The following TENM3 variants were observed in gnomAD, a reference collection of about 807,000 sequenced individuals.
TENM3 encodes teneurin-3.
Under a neutral mutation model 255.1 loss-of-function variants are expected in TENM3, and 63 were observed. That is an observed-to-expected ratio of 0.25 (90% CI 0.20 to 0.30). The LOEUF (loss-of-function observed/expected upper bound fraction) is 0.30. Among genes scored for constraint, TENM3 ranks in the 10% least tolerant of loss-of-function variants. The pLI, the probability that TENM3 is intolerant of heterozygous loss-of-function variation, is 1.00. For missense variants in TENM3, 2,929 were observed against 3,461.1 expected, an observed-to-expected ratio of 0.85 and a Z score of 3.86; for synonymous variants, 1,306 against 1,322.3, an observed-to-expected ratio of 0.99 and a Z score of 0.27.
intron 3 of TENM3, among the ~76,000 whole-genome samples, chr4:182,494,811 T>C (rs1169145800): frequency 6.6e-6 from 1 of 152,230 alleles, no homozygotes; most frequent in Non-Finnish European, 1.5e-5. Context: ...TTTCATAGTT[T>C]GGCAATGTTT....
the TENM3 span, among the ~76,000 whole-genome samples, chr4:181,828,866 A>G: frequency 0.12 from 17,724 of 152,180 alleles, 1,308 homozygotes; most frequent in Non-Finnish European, 0.16. Flanking sequence ...CTGGGATTAC[A>G]GGAGTGAGCC....
chr4:181,663,414 G>T, the TENM3 span, among the ~76,000 whole-genome samples: 2 of 151,952 alleles, frequency 1.3e-5, no homozygotes, highest in Non-Finnish European at 2.9e-5. Flanking sequence ...CTAATGTTAC[G>T]GTTTTTAAAA....
At chr4:181,690,522 G>A in the TENM3 span, among the ~76,000 whole-genome samples, 9 of 151,956 alleles carry the variant, frequency 5.9e-5, no homozygotes, top group Non-Finnish European at 1.3e-4. Context: ...TCTTTTCTGA[G>A]CACTTTAAAA....
the TENM3 span, among the ~76,000 whole-genome samples, chr4:181,748,567 G>A: frequency 1.2e-4 from 18 of 152,048 alleles, no homozygotes; most frequent in South Asian, 8.3e-4. Flanking sequence ...TGCTAGTGAC[G>A]GTTTATACAG....
At chr4:181,467,089 GTGTGTGTGTGTGTGTATATA>G in the TENM3 span, among the ~76,000 whole-genome samples, 144 of 64,336 alleles carry the variant, frequency 2.2e-3, 6 homozygotes, top group South Asian at 4.8e-3. Flanking sequence ...GTGTGCGTGT[GTGTGTGTGTGTGTGTATATA>G]TATATATATA....
chr4:182,417,099 G>T (rs1465729275), intron 3 of TENM3, among the ~76,000 whole-genome samples: 1 of 151,938 alleles, frequency 6.6e-6, no homozygotes, highest in African/African-American at 2.4e-5. Flanking sequence ...TCAGCCTCCC[G>T]AGTAGCTGGG....
intron 24 of TENM3, among the ~76,000 whole-genome samples, chr4:182,783,555 A>G (rs1003431400): frequency 7.3e-5 from 11 of 150,104 alleles, no homozygotes; most frequent in African/African-American, 2.2e-4. Flanking sequence ...CTTCTCGAGG[A>G]GTATCTTTGT....
At chr4:182,745,520 A>T (rs957494011) in intron 19 of TENM3, among the ~76,000 whole-genome samples, 4 of 152,210 alleles carry the variant, frequency 2.6e-5, no homozygotes, top group African/African-American at 9.7e-5. Flanking sequence ...CATGCCGGGC[A>T]TGGTGCCAGA....
At chr4:181,873,984 C>A in the TENM3 span, among the ~76,000 whole-genome samples, 1 of 152,146 alleles carries the variant, frequency 6.6e-6, no homozygotes, top group South Asian at 2.1e-4. Flanking sequence ...AGGGTTTCAC[C>A]ATGTTGGCAA....
At chr4:182,449,220 G>GCTCCGCTTCGCTC (rs1561458543) in intron 3 of TENM3, 12 of 168,040 alleles carry the variant, frequency 7.1e-5, no homozygotes, top group African/African-American at 2.2e-4. Flanking sequence ...GGCGGCGGCG[G>GCTCCGCTTCGCTC]CGGCGGCGGC....
the TENM3 span, among the ~76,000 whole-genome samples, chr4:182,098,909 G>A: frequency 6.7e-6 from 1 of 149,462 alleles, no homozygotes; most frequent in African/African-American, 2.5e-5. Context: ...CACATTGTAT[G>A]CTTGTTTAAA....
the TENM3 span, among the ~76,000 whole-genome samples, chr4:181,924,919 C>T: frequency 6.6e-6 from 1 of 152,076 alleles, no homozygotes; most frequent in African/African-American, 2.4e-5. Context: ...GATGTGGCAA[C>T]ATAAAAATAT....
chr4:181,650,667 A>T, the TENM3 span, among the ~76,000 whole-genome samples: 1 of 152,198 alleles, frequency 6.6e-6, no homozygotes, highest in Non-Finnish European at 1.5e-5. Flanking sequence ...TGCAAACCCC[A>T]GATGTCATTT....
the TENM3 span, among the ~76,000 whole-genome samples, chr4:182,093,447 T>C: frequency 3.3e-5 from 5 of 151,956 alleles, no homozygotes; most frequent in African/African-American, 1.2e-4. Context: ...TGATAACATG[T>C]CCCCACACAC....
chr4:182,373,595 A>G (rs903197496), intron 3 of TENM3, among the ~76,000 whole-genome samples: 2 of 152,064 alleles, frequency 1.3e-5, no homozygotes, highest in African/African-American at 4.8e-5. Context: ...CACCAAGGTG[A>G]TGTCACCAAG....
chr4:181,767,109 G>A, the TENM3 span, among the ~76,000 whole-genome samples: 5 of 138,952 alleles, frequency 3.6e-5, no homozygotes, highest in South Asian at 4.8e-4. Flanking sequence ...AAAATTAGCA[G>A]GGCGTGGTGG....
the TENM3 span, among the ~76,000 whole-genome samples, chr4:182,003,857 T>G: frequency 6.6e-6 from 1 of 152,158 alleles, no homozygotes; most frequent in Non-Finnish European, 1.5e-5. Context: ...AAGTTTCATG[T>G]TCCAATAAAT....
At chr4:182,210,877 G>T (rs1047959263) in intron 1 of TENM3, among the ~76,000 whole-genome samples, 2 of 152,154 alleles carry the variant, frequency 1.3e-5, no homozygotes, top group Admixed American at 1.3e-4. Context: ...GTGTATCACA[G>T]AAGATGACCC....
chr4:182,651,296 A>G (rs959456284), intron 5 of TENM3, among the ~76,000 whole-genome samples: 4 of 152,106 alleles, frequency 2.6e-5, no homozygotes, highest in African/African-American at 9.7e-5. Flanking sequence ...CAAGTCAAAC[A>G]CTATGCAATT....
Sources: gnomAD v4.1 joint callset for allele counts (sites outside exome capture counted in the v4.1 genomes callset) on GRCh38, gnomAD v4.1.1 for gene constraint, MANE v1.5 for transcripts, NCBI Gene and HGNC (gene_info 2026-07-23, HGNC 2026-07-21) for gene names.